TENM3: variants seen among roughly 807,000 people sequenced by gnomAD.
TENM3 encodes the protein teneurin-3.
Under a neutral mutation model 255.1 loss-of-function variants are expected in TENM3, and 63 were observed. That is an observed-to-expected ratio of 0.25 (90% CI 0.20 to 0.30). The LOEUF is 0.30. Ranked by LOEUF, TENM3 falls within the 10% of genes least tolerant of loss-of-function variation. The pLI is 1.00. For synonymous variants in TENM3, 1,306 were observed against 1,322.3 expected (o/e 0.99, Z 0.27); for missense variants, 2,929 against 3,461.1 (o/e 0.85, Z 3.86).
At chr4:182,714,258 G>C in intron 13 of TENM3, 25 bp downstream of exon 13, 1 of 1,530,230 alleles carries the variant, frequency 6.5e-7, no homozygotes, top group Non-Finnish European at 8.8e-7. Context: ...GCATGAACAC[G>C]AGTCTGTGCC....
intron 1 of TENM3, among the ~76,000 whole-genome samples, chr4:182,212,498 G>A (rs1487515032): frequency 6.7e-6 from 1 of 150,182 alleles, no homozygotes. Context: ...AGTGATTGGA[G>A]GCTGTCTTTA....
chr4:181,573,635 C>CTG, the TENM3 span, among the ~76,000 whole-genome samples: 1 of 152,134 alleles, frequency 6.6e-6, no homozygotes, highest in Non-Finnish European at 1.5e-5. Context: ...GCAGAGATTT[C>CTG]TCTGTCTGTC....
At chr4:182,162,049 T>C (rs1751387394) in intron 1 of TENM3, among the ~76,000 whole-genome samples, 1 of 147,582 alleles carries the variant, frequency 6.8e-6, no homozygotes, top group Admixed American at 6.9e-5. Context: ...ATTTCTTTCT[T>C]TTTTAAAACA....
At chr4:182,489,281 A>C (rs537546930) in intron 3 of TENM3, among the ~76,000 whole-genome samples, 1 of 152,304 alleles carries the variant, frequency 6.6e-6, no homozygotes, top group Non-Finnish European at 1.5e-5. Context: ...AAAATAATTG[A>C]ATTTCTTCTC....
At chr4:181,888,678 G>A in the TENM3 span, among the ~76,000 whole-genome samples, 1 of 146,688 alleles carries the variant, frequency 6.8e-6, no homozygotes, top group Non-Finnish European at 1.5e-5. Context: ...AGGCTGAGAA[G>A]TCCCACAGTC....
chr4:182,704,810 C>T (rs1485530285), intron 12 of TENM3, among the ~76,000 whole-genome samples: 1 of 147,002 alleles, frequency 6.8e-6, no homozygotes, highest in South Asian at 2.2e-4. Context: ...TGCACACATG[C>T]ATACACACAA....
At chr4:181,888,570 A>G in the TENM3 span, among the ~76,000 whole-genome samples, 84 of 63,176 alleles carry the variant, frequency 1.3e-3, no homozygotes, top group Non-Finnish European at 1.9e-3. Context: ...ACATATATGT[A>G]TATATATACA....
chr4:182,339,752 C>T, intron 2 of TENM3, among the ~76,000 whole-genome samples: 1 of 152,172 alleles, frequency 6.6e-6, no homozygotes, highest in East Asian at 1.9e-4. Flanking sequence ...TTATGCCAAA[C>T]CATAGGCGTA....
At chr4:181,678,937 T>C in the TENM3 span, among the ~76,000 whole-genome samples, 1 of 151,910 alleles carries the variant, frequency 6.6e-6, no homozygotes, top group Non-Finnish European at 1.5e-5. Flanking sequence ...TACAAATTAA[T>C]TTTTGAATTA....
At chr4:181,700,112 T>G in the TENM3 span, among the ~76,000 whole-genome samples, 1 of 152,150 alleles carries the variant, frequency 6.6e-6, no homozygotes, top group Non-Finnish European at 1.5e-5. Context: ...ACTGACCGCG[T>G]GAAACAGTGT....
intron 3 of TENM3, among the ~76,000 whole-genome samples, chr4:182,526,795 A>G (rs1394373695): frequency 6.6e-6 from 1 of 152,212 alleles, no homozygotes; most frequent in Non-Finnish European, 1.5e-5. Flanking sequence ...TTTATTCATT[A>G]ACATAGACAG....
chr4:181,872,715 C>T, the TENM3 span, among the ~76,000 whole-genome samples: 1 of 151,682 alleles, frequency 6.6e-6, no homozygotes, highest in Non-Finnish European at 1.5e-5. Flanking sequence ...TTGCTGGGGC[C>T]CATTAATTTT....
chr4:182,615,046 C>CATACATATATAT (rs376247638), intron 4 of TENM3, among the ~76,000 whole-genome samples: 2 of 112,058 alleles, frequency 1.8e-5, no homozygotes, highest in Admixed American at 1.1e-4. Flanking sequence ...AAAAAAAATA[C>CATACATATATAT]ATATATATAT....
intron 3 of TENM3, among the ~76,000 whole-genome samples, chr4:182,483,631 A>G (rs1376297326): frequency 6.6e-6 from 1 of 152,206 alleles, no homozygotes; most frequent in Non-Finnish European, 1.5e-5. Flanking sequence ...CAGTATATCC[A>G]TTAGTATGTC....
intron 1 of TENM3, among the ~76,000 whole-genome samples, chr4:182,195,682 A>G (rs941624482): frequency 1.3e-5 from 2 of 152,182 alleles, no homozygotes; most frequent in Admixed American, 1.3e-4. Context: ...TATAAATACA[A>G]CTTCGCTACA....
At chr4:181,825,566 A>AGATTAGGAAAG in the TENM3 span, among the ~76,000 whole-genome samples, 1 of 152,126 alleles carries the variant, frequency 6.6e-6, no homozygotes. Context: ...CCACTGAAGG[A>AGATTAGGAAAG]GATTAGGAAA....
At chr4:181,804,858 A>G in the TENM3 span, among the ~76,000 whole-genome samples, 1 of 152,060 alleles carries the variant, frequency 6.6e-6, no homozygotes, top group Non-Finnish European at 1.5e-5. Flanking sequence ...GGAGGAAAAA[A>G]AGGAGGTCAG....
At chr4:182,472,010 A>G (rs574772224) in intron 3 of TENM3, among the ~76,000 whole-genome samples, 1 of 152,280 alleles carries the variant, frequency 6.6e-6, no homozygotes, top group African/African-American at 2.4e-5. Flanking sequence ...ATTACTAAAA[A>G]TACCTAGGGG....
the TENM3 span, among the ~76,000 whole-genome samples, chr4:182,083,198 A>G: frequency 2.0e-5 from 3 of 152,234 alleles, no homozygotes; most frequent in Non-Finnish European, 4.4e-5. Flanking sequence ...ACTAGTGAAC[A>G]TTTATGCAAT....
Sources: allele counts gnomAD v4.1 joint callset (sites outside exome capture counted in the v4.1 genomes callset), GRCh38; gene constraint gnomAD v4.1.1; transcripts MANE v1.5; gene names NCBI Gene and HGNC (gene_info 2026-07-23, HGNC 2026-07-21).